Variants in ASTN1 observed in about 807,000 individuals in gnomAD.
ASTN1 encodes astrotactin-1.
A neutral mutation model predicts 140.7 loss-of-function variants in ASTN1; 41 were observed. That is an observed-to-expected ratio of 0.29 (90% confidence interval 0.23 to 0.38). The LOEUF (loss-of-function observed/expected upper bound fraction) is 0.38. ASTN1 is among the 10% of genes least tolerant of loss of function. ASTN1 has a pLI of 1.00. For missense variants in ASTN1, 1,479 were observed against 1,678.8 expected (o/e 0.88, Z 2.08); for synonymous variants, 640 against 652.2 (o/e 0.98, Z 0.29).
At chr1:176,872,272 T>C (rs572851285) in intron 21 of ASTN1, among the ~76,000 whole-genome samples, 1 of 152,152 alleles carries the variant, frequency 6.6e-6, no homozygotes, top group Non-Finnish European at 1.5e-5. Flanking sequence ...CTAAAATTGT[T>C]TTCGAGTGCT....
chr1:177,096,563 T>C (rs547287110), intron 1 of ASTN1, among the ~76,000 whole-genome samples: 9 of 152,252 alleles, frequency 5.9e-5, no homozygotes, highest in South Asian at 2.1e-4. Context: ...ATAATCCCCA[T>C]GTGTTATGAG....
intron 8 of ASTN1, among the ~76,000 whole-genome samples, chr1:176,986,595 C>T (rs1673917325): frequency 6.6e-6 from 1 of 152,062 alleles, no homozygotes; most frequent in Non-Finnish European, 1.5e-5. Flanking sequence ...CATAGCAGTT[C>T]CTTTTTCTTG....
At position 177,047,353 on chromosome 1, in the gene ASTN1, C is replaced by T. The variant is rs76621582; in HGVS notation, c.471+13725G>A. 4.8e-3 allele frequency among the ~76,000 whole-genome samples: 736 copies of T among 152,102 alleles called. 4 individuals are homozygous for T. Among genetic ancestry groups the T allele is most frequent in the African/African-American group, 0.016 (672 of 41,452 alleles). On this transcript the variant is annotated intron_variant, in intron 2 of 22. Coordinates refer to ENST00000361833, the MANE Select transcript of ASTN1 (RefSeq NM_004319.3). ...AGTATTAAATAGCAAGGGAGGTCCA[C>T]AAAATATGACAGGGAGGTCCAGAAA... is the stretch of plus-strand genomic sequence containing the variant.
Position 176,864,321 on chromosome 1 carries a change from A to T in ASTN1, c.3848T>A (p.Ile1283Asn), listed in dbSNP as rs533386001. The change falls in exon 23 of 23, where the codon ATC (isoleucine) becomes AAC (asparagine). Residue 1283 changes from isoleucine to asparagine, a missense_variant. Ile to Asn is a moderately radical substitution (Grantham distance 149). Coordinates refer to ENST00000361833, the MANE Select transcript of ASTN1 (RefSeq NM_004319.3). ...RKTCEEQTLSIPYNDYGDSKE... is the reference protein window; with the variant it reads ...RKTCEEQTLSNPYNDYGDSKE... Reference sequence around the variant, plus strand: ...GCTGTCCCCATAGTCGTTGTAGGGGATACTCAGGGTCTGCTCCTCACACGT... The same window carrying T: ...GCTGTCCCCATAGTCGTTGTAGGGGTTACTCAGGGTCTGCTCCTCACACGT... 3 of 1,613,990 alleles carry T rather than the reference A, an allele frequency of 1.9e-6. No individual in the cohort carries two copies. The highest frequency in any genetic ancestry group is 2.2e-5 in the South Asian group (2 of 91,072).
chr1:176,991,905 T>C (rs1017072899), intron 8 of ASTN1, among the ~76,000 whole-genome samples: 7 of 152,216 alleles, frequency 4.6e-5, no homozygotes, highest in Non-Finnish European at 8.8e-5. Context: ...TGGATCATAG[T>C]ATTCAAAGTG....
chr1:177,089,373 T>C (rs1679632331), intron 1 of ASTN1, among the ~76,000 whole-genome samples: 1 of 152,176 alleles, frequency 6.6e-6, no homozygotes, highest in South Asian at 2.1e-4. Context: ...CCATTGTTAT[T>C]ATTTGGTTAA....
At chr1:177,008,284 A>G (rs1019689243) in intron 8 of ASTN1, among the ~76,000 whole-genome samples, 5 of 152,310 alleles carry the variant, frequency 3.3e-5, no homozygotes, top group African/African-American at 1.2e-4. Context: ...TTTAATTCCA[A>G]GAGCCCCTTT....
At chr1:177,112,607 TC>T (rs1680876454) in intron 1 of ASTN1, among the ~76,000 whole-genome samples, 1 of 152,162 alleles carries the variant, frequency 6.6e-6, no homozygotes, top group Non-Finnish European at 1.5e-5. Flanking sequence ...TAGATTTTGC[TC>T]CCTCCCAAAC....
At chr1:177,089,313 C>T (rs1679628396) in intron 1 of ASTN1, among the ~76,000 whole-genome samples, 1 of 151,996 alleles carries the variant, frequency 6.6e-6, no homozygotes, top group African/African-American at 2.4e-5. Flanking sequence ...TTGAAAGAGG[C>T]CAGATTTGAA....
chr1:176,890,108 G>T (rs1004777927), intron 17 of ASTN1, among the ~76,000 whole-genome samples: 4 of 152,226 alleles, frequency 2.6e-5, no homozygotes, highest in Non-Finnish European at 5.9e-5. Flanking sequence ...ATACGAGGAT[G>T]CACAAGACAC....
At chr1:177,119,183 C>A (rs1479270836) in intron 1 of ASTN1, among the ~76,000 whole-genome samples, 1 of 152,150 alleles carries the variant, frequency 6.6e-6, no homozygotes, top group Non-Finnish European at 1.5e-5. Flanking sequence ...TTCCCCCACA[C>A]CTTATCACAG....
chr1:176,930,499 T>A (rs1305115953), intron 16 of ASTN1, among the ~76,000 whole-genome samples: 1 of 152,144 alleles, frequency 6.6e-6, no homozygotes, highest in Non-Finnish European at 1.5e-5. Flanking sequence ...ATGTACATGG[T>A]TTCTTTAGAG....
At chr1:176,895,739 G>T (rs1052574139) in intron 16 of ASTN1, among the ~76,000 whole-genome samples, 1 of 152,186 alleles carries the variant, frequency 6.6e-6, no homozygotes, top group Non-Finnish European at 1.5e-5. Context: ...ATACAAGAAA[G>T]CACTGCTTGG....
intron 1 of ASTN1, among the ~76,000 whole-genome samples, chr1:177,141,575 T>C (rs1451890264): frequency 1.3e-5 from 2 of 152,180 alleles, no homozygotes; most frequent in Non-Finnish European, 2.9e-5. Flanking sequence ...CTAAACTCTG[T>C]GGGGACTTGT....
chr1:177,102,523 C>T (rs1286825529), intron 1 of ASTN1, among the ~76,000 whole-genome samples: 1 of 152,068 alleles, frequency 6.6e-6, no homozygotes, highest in Non-Finnish European at 1.5e-5. Flanking sequence ...CCAATTCTAG[C>T]CTAATATCTG....
intron 5 of ASTN1, among the ~76,000 whole-genome samples, chr1:177,028,372 A>T (rs553976389): frequency 3.9e-5 from 6 of 152,290 alleles, no homozygotes; most frequent in African/African-American, 1.2e-4. Flanking sequence ...TCAATATTAG[A>T]ATACCCAGAG....
chr1:176,890,696 T>C (rs932843772), intron 17 of ASTN1, among the ~76,000 whole-genome samples: 12 of 152,222 alleles, frequency 7.9e-5, no homozygotes, highest in African/African-American at 2.9e-4. Context: ...GCAAAAGCTG[T>C]CACTTTCCAT....
chr1:176,859,715 TG>T (rs1246918845), downstream of ASTN1, among the ~76,000 whole-genome samples: 7 of 152,082 alleles, frequency 4.6e-5, no homozygotes, highest in East Asian at 1.2e-3. Context: ...ACCTGGGAGG[TG>T]GAGGTTGCAG....
chr1:177,001,583 G>T lies in ASTN1; in HGVS notation c.1523+13208C>A, dbSNP rs182054002. Among the ~76,000 whole-genome samples the T allele has an allele frequency of 7.4e-4, 112 of 152,308 alleles. 2 individuals carry two copies. The Middle Eastern group carries it at 0.014, about 19-fold the overall frequency. ...CAGGGCTTTTAAGAAGATGAAATGAGATTTGAATCCAAGTCCATCTGATTC... is the reference window on the plus strand; with the variant it reads ...CAGGGCTTTTAAGAAGATGAAATGATATTTGAATCCAAGTCCATCTGATTC... On this transcript the variant is annotated intron_variant, in intron 8 of 22. Coordinates refer to ENST00000361833, the MANE Select transcript of ASTN1 (RefSeq NM_004319.3).
Sources: allele counts gnomAD v4.1 joint callset (sites outside exome capture counted in the v4.1 genomes callset), GRCh38; gene constraint gnomAD v4.1.1; transcripts MANE v1.5; gene names NCBI Gene and HGNC (gene_info 2026-07-23, HGNC 2026-07-21).